CORO2B: variants seen among roughly 807,000 people sequenced by gnomAD.
The protein encoded by CORO2B is coronin-2B.
Under a neutral mutation model 58.8 loss-of-function variants are expected in CORO2B, and 26 were observed. The observed-to-expected ratio is 0.44, with a 90% confidence interval of 0.32 to 0.61. The LOEUF (loss-of-function observed/expected upper bound fraction) is 0.61, where lower values mean the gene tolerates loss of function less well. Ranked by LOEUF, CORO2B falls within the 20% of genes least tolerant of loss-of-function variation. The probability of loss-of-function intolerance (pLI) is 0.04; values close to 1 mark genes in which losing one functional copy is unlikely to be tolerated. For missense variants in CORO2B, 460 were observed against 645.1 expected (o/e 0.71, Z 3.11); for synonymous variants, 242 against 253.8 (o/e 0.95, Z 0.44).
At chr15:68,677,848 A>G (rs1447819507) in intron 2 of CORO2B, among the ~76,000 whole-genome samples, 4 of 152,136 alleles carry the variant, frequency 2.6e-5, no homozygotes, top group Non-Finnish European at 5.9e-5. Context: ...TGGGTGGCCA[A>G]GTCCCCTCTA....
intron 1 of CORO2B, among the ~76,000 whole-genome samples, chr15:68,641,023 A>ATC (rs1417933264): frequency 6.6e-6 from 1 of 152,096 alleles, no homozygotes; most frequent in Admixed American, 6.5e-5. Context: ...GGAGCCATCG[A>ATC]TCAACAGCAG....
At chr15:68,724,216 A>G (rs913503435) in intron 11 of CORO2B, among the ~76,000 whole-genome samples, 31 of 152,120 alleles carry the variant, frequency 2.0e-4, no homozygotes, top group African/African-American at 6.8e-4. Flanking sequence ...ACAAACAAAT[A>G]AATAAATAAT....
intron 2 of CORO2B, among the ~76,000 whole-genome samples, chr15:68,661,957 A>C (rs1902028130): frequency 1.3e-5 from 2 of 152,308 alleles, no homozygotes; most frequent in Admixed American, 1.3e-4. Context: ...CAGTGAGCTG[A>C]GATCATGCCA....
At position 68,645,431 on chromosome 15, in the gene CORO2B, G is replaced by A. The variant is rs1055061983; in HGVS notation, c.216+71G>A. On this transcript the variant is annotated intron_variant, in intron 2 of 11. Transcript: ENST00000261861. This position sits in a 1 kb window ranked among gnomAD's most constrained non-coding sequence, Gnocchi z 4.5. ...AGGAGCCCTCCTTGGTCTCTCTTAG[G>A]CCTGTTGACCCTACTTCTCTCTGAG... 10 of 1,450,258 alleles carry A rather than the reference G, an allele frequency of 6.9e-6. No individual in the cohort carries two copies. Among genetic ancestry groups the A allele is most frequent in the Non-Finnish European group, 7.5e-6 (8 of 1,059,886 alleles). The allele number at this position is 1,450,258 out of a possible 1,614,324, so 89.8% of individuals were successfully genotyped here. A position where few individuals can be genotyped will look rare whatever the true frequency, so the allele number is the denominator to read the frequency against.
intron 1 of CORO2B, among the ~76,000 whole-genome samples, chr15:68,579,624 C>T (rs1479593478): frequency 6.6e-6 from 1 of 152,178 alleles, no homozygotes; most frequent in East Asian, 1.9e-4. Flanking sequence ...GAGTGCGCGG[C>T]GGGAAGCGTC....
intron 1 of CORO2B, chr15:68,616,449 C>T: frequency 1.5e-6 from 1 of 645,884 alleles, no homozygotes; most frequent in Non-Finnish European, 1.9e-6. Context: ...TCAAGGTCAC[C>T]CAGCCCCCAC....
the CORO2B span, among the ~76,000 whole-genome samples, chr15:68,531,015 G>A: frequency 1.3e-5 from 2 of 151,386 alleles, no homozygotes; most frequent in Non-Finnish European, 2.9e-5. Context: ...TTATTTTCAG[G>A]GGTTGCTCTG....
At chr15:68,711,736 G>A in intron 5 of CORO2B, 30 bp downstream of exon 5, 2 of 1,613,194 alleles carry the variant, frequency 1.2e-6, no homozygotes, top group East Asian at 2.2e-5. Context: ...GAGATTGAAG[G>A]GGAAGGTATT....
At chr15:68,569,008 TAAAA>T in the CORO2B span, among the ~76,000 whole-genome samples, 1 of 151,722 alleles carries the variant, frequency 6.6e-6, no homozygotes, top group Non-Finnish European at 1.5e-5. Context: ...AAAAAGCACA[TAAAA>T]AAAAGAAGAA....
chr15:68,724,850 T>G (rs1001790532), intron 11 of CORO2B, among the ~76,000 whole-genome samples: 3 of 152,172 alleles, frequency 2.0e-5, no homozygotes, highest in Non-Finnish European at 4.4e-5. Context: ...GCTCGGCGTT[T>G]TGTGGACATC....
In CORO2B at chr15:68,724,685, G is replaced by T. The variant is rs565413052; in HGVS notation, c.1312-1158G>T. Among the ~76,000 whole-genome samples, 10 of 152,174 alleles carry T rather than the reference G, an allele frequency of 6.6e-5. No individual in the cohort carries two copies. The East Asian group carries it at 1.5e-3, about 23-fold the overall frequency. On this transcript the variant is annotated intron_variant, in intron 11 of 11. Coordinates refer to ENST00000261861, the MANE Select transcript of CORO2B (RefSeq NM_006091.5). Reference sequence around the variant, plus strand: ...ATAGAAACAACAACTCTCTTTTTGTGCTCATTTCATCAATTTATATTATAT... The same window carrying T: ...ATAGAAACAACAACTCTCTTTTTGTTCTCATTTCATCAATTTATATTATAT...
In CORO2B at chr15:68,704,745, G is replaced by A. The variant is rs773554995; in HGVS notation, c.334-5987G>A. Reference sequence around the variant, plus strand: ...GAGGGGAGCTGGGTATGTTCTGTTGGGTTGAACATCACTGAATTAAACAAG... The same window carrying A: ...GAGGGGAGCTGGGTATGTTCTGTTGAGTTGAACATCACTGAATTAAACAAG... On this transcript the variant is annotated intron_variant, in intron 3 of 11. Coordinates refer to ENST00000261861, the MANE Select transcript of CORO2B (RefSeq NM_006091.5). Among the ~76,000 whole-genome samples, 3 of 152,116 alleles carry A rather than the reference G, an allele frequency of 2.0e-5. No homozygotes were observed. The East Asian group carries it at 5.8e-4, about 29-fold the overall frequency.
chr15:68,652,546 G>A (rs929692116), intron 2 of CORO2B, among the ~76,000 whole-genome samples: 6 of 152,130 alleles, frequency 3.9e-5, no homozygotes, highest in African/African-American at 9.7e-5. Context: ...GAAGAAACCC[G>A]GCCTAGATAT....
chr15:68,528,473 T>C, the CORO2B span, among the ~76,000 whole-genome samples: 452 of 152,286 alleles, frequency 3.0e-3, 4 homozygotes, highest in African/African-American at 0.01. Flanking sequence ...ATCAATCTTG[T>C]TTTCCTGGGA....
At chr15:68,719,086 A>C in intron 9 of CORO2B, 58 bp from the exon 10 acceptor site, 1 of 1,329,916 alleles carries the variant, frequency 7.5e-7, no homozygotes, top group Non-Finnish European at 1.1e-6. Context: ...CTGACTGAAG[A>C]GTAGGGGCTT....
intron 2 of CORO2B, among the ~76,000 whole-genome samples, chr15:68,681,077 A>T (rs1020726031): frequency 5.0e-4 from 76 of 152,118 alleles, no homozygotes; most frequent in African/African-American, 1.8e-3. Flanking sequence ...GCCGGGCATG[A>T]TGGCAGGTGC....
intron 8 of CORO2B, among the ~76,000 whole-genome samples, chr15:68,716,031 G>C (rs191897520): frequency 6.6e-6 from 1 of 152,192 alleles, no homozygotes; most frequent in Non-Finnish European, 1.5e-5. Context: ...CTGTGGGTCT[G>C]GTATTATGGA....
chr15:68,641,750 A>G (rs1384070154), intron 1 of CORO2B, among the ~76,000 whole-genome samples: 1 of 152,006 alleles, frequency 6.6e-6, no homozygotes, highest in Non-Finnish European at 1.5e-5. Flanking sequence ...TTTGAGACAG[A>G]GTTCGGCACT....
At position 68,701,547 on chromosome 15, in the gene CORO2B, G is replaced by A. The variant is rs944816970; in HGVS notation, c.333+6291G>A. On this transcript the variant is annotated intron_variant, in intron 3 of 11. Coordinates refer to ENST00000261861, the MANE Select transcript of CORO2B (RefSeq NM_006091.5). ...GTCGCCCAGGCTGGAGTGCAGTGGC[G>A]CGATCTCGACTCACTGCAAGCTCCG... Among the ~76,000 whole-genome samples, 14 of 138,844 alleles carry A rather than the reference G, an allele frequency of 1.0e-4. No individual in the cohort carries two copies. In the East Asian group the frequency reaches 2.8e-3, roughly 28 times the overall value. The allele number at this position is 138,844 out of a possible 152,430, so 91.1% of individuals were successfully genotyped here.
Sources: gnomAD v4.1 joint callset for allele counts (sites outside exome capture counted in the v4.1 genomes callset) on GRCh38, gnomAD v4.1.1 for gene constraint, Gnocchi (gnomAD v3.1) non-coding constraint, MANE v1.5 for transcripts, NCBI Gene and HGNC (gene_info 2026-07-23, HGNC 2026-07-21) for gene names.